Variants in RARB observed in about 807,000 individuals in gnomAD.
RARB encodes the protein HBV-activated protein.
Under a neutral mutation model 51.9 loss-of-function variants are expected in RARB, and 17 were observed. That is an observed-to-expected ratio of 0.33 (90% CI 0.22 to 0.49). The LOEUF (loss-of-function observed/expected upper bound fraction) is 0.49, where lower values mean the gene tolerates loss of function less well. RARB is among the 20% of genes least tolerant of loss of function. RARB has a pLI of 0.99. For missense variants in RARB, 369 were observed against 550.8 expected (o/e 0.67, Z 3.30); for synonymous variants, 215 against 195.4 (o/e 1.10, Z -0.84).
chr3:25,127,866 T>A (rs1315802766), intron 3 of RARB, among the ~76,000 whole-genome samples: 1 of 152,122 alleles, frequency 6.6e-6, no homozygotes, highest in Non-Finnish European at 1.5e-5. Flanking sequence ...GAAGAGTAGT[T>A]CACTTCTGTG....
At chr3:24,932,132 C>T (rs1182843755) in intron 2 of RARB, among the ~76,000 whole-genome samples, 2 of 152,106 alleles carry the variant, frequency 1.3e-5, no homozygotes, top group East Asian at 3.9e-4. Context: ...CCAAGTACCA[C>T]ATGCTCTAAT....
At chr3:25,565,508 T>C (rs375851617) in intron 3 of RARB, among the ~76,000 whole-genome samples, 3 of 152,288 alleles carry the variant, frequency 2.0e-5, no homozygotes, top group African/African-American at 7.2e-5. Context: ...CCATAAGTTT[T>C]TGCTCCATGG....
At chr3:25,281,621 G>A (rs958239686) in intron 5 of RARB, among the ~76,000 whole-genome samples, 1 of 152,220 alleles carries the variant, frequency 6.6e-6, no homozygotes, top group African/African-American at 2.4e-5. Flanking sequence ...CAGATTAGAG[G>A]TGAGATCAAT....
intron 2 of RARB, among the ~76,000 whole-genome samples, chr3:24,924,906 A>C (rs1029367254): frequency 1.3e-5 from 2 of 152,116 alleles, no homozygotes; most frequent in Admixed American, 1.3e-4. Flanking sequence ...TGAATTGCTT[A>C]AGATGATGCC....
chr3:25,487,524 G>A (rs375997533), intron 2 of RARB, among the ~76,000 whole-genome samples: 1 of 151,052 alleles, frequency 6.6e-6, no homozygotes, highest in East Asian at 1.9e-4. Flanking sequence ...CGGAATGGTC[G>A]GCATGATACT....
chr3:25,294,869 A>G (rs1371725059), intron 5 of RARB, among the ~76,000 whole-genome samples: 6 of 152,142 alleles, frequency 3.9e-5, no homozygotes, highest in Admixed American at 2.6e-4. Flanking sequence ...TTGCTCTCAG[A>G]TTCATTCCCT....
chr3:25,562,242 T>C (rs34359044), intron 3 of RARB, among the ~76,000 whole-genome samples: 32,624 of 152,064 alleles, frequency 0.21, 3,889 homozygotes, highest in East Asian at 0.39. Context: ...AGCCTTTTTT[T>C]TTTTTCTAGA....
At chr3:24,893,486 G>A (rs918792464) in intron 2 of RARB, among the ~76,000 whole-genome samples, 9 of 152,168 alleles carry the variant, frequency 5.9e-5, no homozygotes, top group African/African-American at 1.7e-4. Flanking sequence ...AACAGCTCAC[G>A]CTGATGACAT....
chr3:24,987,892 CAAAAT>C (rs1265170119), intron 2 of RARB, among the ~76,000 whole-genome samples: 3 of 152,062 alleles, frequency 2.0e-5, no homozygotes, highest in East Asian at 3.9e-4. Flanking sequence ...AAAACCAAAA[CAAAAT>C]AACACCAACA....
chr3:24,862,937 G>A (rs548418647), intron 2 of RARB, among the ~76,000 whole-genome samples: 1 of 152,294 alleles, frequency 6.6e-6, no homozygotes, highest in East Asian at 1.9e-4. Flanking sequence ...AAATACTGGA[G>A]CTTTAGTGGG....
chr3:25,280,423 T>A (rs761992604), intron 5 of RARB, among the ~76,000 whole-genome samples: 3 of 152,130 alleles, frequency 2.0e-5, no homozygotes, highest in African/African-American at 4.8e-5. Context: ...GTGCCATAAT[T>A]TGGGGTAGCA....
At chr3:24,945,475 T>C (rs985579489) in intron 2 of RARB, among the ~76,000 whole-genome samples, 2 of 152,210 alleles carry the variant, frequency 1.3e-5, no homozygotes, top group African/African-American at 2.4e-5. Flanking sequence ...TTGACTAGCA[T>C]ATCTTGGGGC....
At chr3:25,042,758 C>G (rs528055365) in intron 2 of RARB, among the ~76,000 whole-genome samples, 3 of 152,338 alleles carry the variant, frequency 2.0e-5, no homozygotes, top group Non-Finnish European at 4.4e-5. Flanking sequence ...TGTTCACTTC[C>G]AAGTTCCTAT....
At chr3:24,975,877 G>A (rs776971899) in intron 2 of RARB, among the ~76,000 whole-genome samples, 49 of 152,132 alleles carry the variant, frequency 3.2e-4, no homozygotes, top group Non-Finnish European at 6.6e-4. Context: ...CCATCAACTC[G>A]TCATTTACAT....
intron 3 of RARB, among the ~76,000 whole-genome samples, chr3:25,071,607 CTT>C (rs1031240950): frequency 3.9e-5 from 6 of 152,172 alleles, no homozygotes; most frequent in Non-Finnish European, 8.8e-5. Flanking sequence ...GTTATATATT[CTT>C]TTGTCACAGT....
At chr3:25,196,703 CT>C (rs1192962239) in intron 5 of RARB, among the ~76,000 whole-genome samples, 1 of 152,114 alleles carries the variant, frequency 6.6e-6, no homozygotes, top group Non-Finnish European at 1.5e-5. Context: ...TAAAGTGTTC[CT>C]ATTTCTCCAC....
chr3:24,891,437 C>T (rs916182912), intron 2 of RARB, among the ~76,000 whole-genome samples: 2 of 152,100 alleles, frequency 1.3e-5, no homozygotes, highest in Non-Finnish European at 2.9e-5. Context: ...ATCATAGCCC[C>T]CACTAGGTTA....
At chr3:25,465,146 G>A (rs567471308) in intron 2 of RARB, among the ~76,000 whole-genome samples, 14 of 152,172 alleles carry the variant, frequency 9.2e-5, no homozygotes, top group African/African-American at 1.9e-4. Context: ...AGAATACCCC[G>A]TAGAAAAGAT....
chr3:25,531,420 ATAGAAGAT>A (rs1698914774), intron 3 of RARB, among the ~76,000 whole-genome samples: 1 of 151,604 alleles, frequency 6.6e-6, no homozygotes. Context: ...AGATAGATAG[ATAGAAGAT>A]AGATAGATAC....
Sources: gnomAD v4.1 joint callset for allele counts (sites outside exome capture counted in the v4.1 genomes callset) on GRCh38, gnomAD v4.1.1 for gene constraint, MANE v1.5 for transcripts, NCBI Gene and HGNC (gene_info 2026-07-23, HGNC 2026-07-21) for gene names.